Variants in FKTN observed in about 807,000 individuals in gnomAD.
FKTN encodes ribitol-5-phosphate transferase FKTN.
FKTN carries 47 observed loss-of-function variants against 58.6 expected under a neutral mutation model. The observed-to-expected ratio is 0.80, with a 90% confidence interval of 0.63 to 1.02. The LOEUF (loss-of-function observed/expected upper bound fraction) is 1.02. Among genes scored for constraint, FKTN ranks in the 50% least tolerant of loss-of-function variants. FKTN has a pLI of 0.00. For synonymous variants in FKTN, 178 were observed against 191.9 expected (o/e 0.93, Z 0.60); for missense variants, 516 against 537.3 (o/e 0.96, Z 0.39).
rs746763506 is a variant in FKTN at position 105,604,452 on chromosome 9, C to T, written c.607C>T (p.Arg203Ter). The T allele has an allele frequency of 2.4e-5, 38 of 1,613,882 alleles. No individual in the cohort carries two copies. Among genetic ancestry groups the T allele is most frequent in the Admixed American group, 6.7e-5 (4 of 59,996 alleles). The change falls in exon 6 of 11, where the codon CGA becomes TGA. Residue 203 changes from arginine (R) to a stop codon, truncating the protein, a stop_gained. Coordinates refer to ENST00000357998, the MANE Select transcript of FKTN (RefSeq NM_001079802.2). LOFTEE classifies it high-confidence loss of function. Reference protein sequence around the residue: ...EHIDRKFVPFRKLQFGRYPGA... With the variant: ...EHIDRKFVPF ...CATTGACAGGAAATTTGTTCCCTTC[C>T]GAAAGTTACAGTTTGGTCGTTATCC...
intron 3 of FKTN, among the ~76,000 whole-genome samples, chr9:105,588,806 T>G (rs1280812243): frequency 6.6e-6 from 1 of 152,260 alleles, no homozygotes; most frequent in Non-Finnish European, 1.5e-5. Context: ...ATTCTCTCTT[T>G]ACCATACTCT....
intron 10 of FKTN, among the ~76,000 whole-genome samples, chr9:105,630,311 T>G (rs548891061): frequency 2.6e-4 from 40 of 152,208 alleles, no homozygotes; most frequent in Non-Finnish European, 3.8e-4. Flanking sequence ...TCAATAAATG[T>G]GATCATTAGT....
Position 105,639,436 on chromosome 9 carries a change from G to T in FKTN, c.*4172G>T, listed in dbSNP as rs1307798314. 1.7e-6 allele frequency: 1 copy of T among 590,424 alleles called. No individual in the cohort carries two copies. Among genetic ancestry groups the T allele is most frequent in the Non-Finnish European group, 2.1e-6 (1 of 469,364 alleles). The allele number at this position is 590,424 out of a possible 1,614,324, so 36.6% of individuals were successfully genotyped here. On this transcript the variant is annotated 3_prime_UTR_variant, in exon 11 of 11. Coordinates refer to ENST00000357998, the MANE Select transcript of FKTN (RefSeq NM_001079802.2). Reference sequence around the variant, plus strand: ...CTCAATTTCCACATTAGTGAACTGGGGAAATGATACATACTTCTAAGGGTT... The same window carrying T: ...CTCAATTTCCACATTAGTGAACTGGTGAAATGATACATACTTCTAAGGGTT...
chr9:105,607,907 A>G lies in FKTN; in HGVS notation c.736A>G (p.Arg246Gly). 1 of 1,611,980 alleles carries G rather than the reference A, an allele frequency of 6.2e-7. No individual in the cohort carries two copies. The highest frequency in any genetic ancestry group is 8.5e-7 in the Non-Finnish European group (1 of 1,178,138). Reference protein sequence around the residue: ...MHFVEEVPHSRFIECRYKEAR... With the variant: ...MHFVEEVPHSGFIECRYKEAR... Reference sequence around the variant, plus strand: ...CTTTGTAGAAGAAGTACCACACTCTAGGTTTATTGAGTGTAGGTATAAAGA... The same window carrying G: ...CTTTGTAGAAGAAGTACCACACTCTGGGTTTATTGAGTGTAGGTATAAAGA... Residue 246 changes from arginine (R) to glycine (G), a missense_variant, in exon 7 of 11, where the codon AGG becomes GGG. Transcript: ENST00000357998.
In FKTN at chr9:105,596,656, G is replaced by T. The variant is rs1826858068; in HGVS notation, c.164G>T (p.Trp55Leu). The change falls in exon 4 of 11, where the codon TGG becomes TTG. Residue 55 changes from tryptophan to leucine, a missense_variant and splice_region_variant. By Grantham distance (61) the Trp-to-Leu change is moderately conservative. Coordinates refer to ENST00000357998, the MANE Select transcript of FKTN (RefSeq NM_001079802.2). Reference sequence around the variant, plus strand: ...CGAATTGGATTTGATAGCACACAGTGGGTATGTAGAATAAACAAGAAATTT... The same window carrying T: ...CGAATTGGATTTGATAGCACACAGTTGGTATGTAGAATAAACAAGAAATTT... ...GSRIGFDSTQ[W>L]RAVKKFIMLT... 1 of 1,599,476 alleles carries T rather than the reference G, an allele frequency of 6.3e-7. No homozygotes were observed. The highest frequency in any genetic ancestry group is 8.6e-7 in the Non-Finnish European group (1 of 1,166,898).
chr9:105,561,205 T>G (rs1838241890), intron 1 of FKTN, among the ~76,000 whole-genome samples: 1 of 151,714 alleles, frequency 6.6e-6, no homozygotes, highest in African/African-American at 2.4e-5. Context: ...GCCTAGCAGT[T>G]TGAGGCAGCA....
chr9:105,619,767 T>C lies in FKTN; in HGVS notation c.1045-167T>C, dbSNP rs180759073. The C allele has an allele frequency of 3.2e-3, 1,792 of 561,464 alleles. 9 individuals carry two copies. The highest frequency in any genetic ancestry group is 4.9e-3 in the Non-Finnish European group (1,570 of 321,474). 34.8% of individuals were successfully genotyped at this position (561,464 alleles called of 1,614,324 possible). ...AATTAAATGATATGTTACTGATGCA[T>C]CCCAATTTCAGAGGTGCCTTAACTT... On this transcript the variant is annotated intron_variant, in intron 9 of 10. Coordinates refer to ENST00000357998, the MANE Select transcript of FKTN (RefSeq NM_001079802.2).
intron 9 of FKTN, 132 bp from the exon 10 acceptor site, chr9:105,619,802 T>G: frequency 1.3e-6 from 1 of 766,954 alleles, no homozygotes; most frequent in Admixed American, 2.8e-5. Flanking sequence ...TGAAAAAATG[T>G]GCATCTTAGA....
At chr9:105,592,131 C>T (rs1215160997) in intron 3 of FKTN, among the ~76,000 whole-genome samples, 4 of 152,248 alleles carry the variant, frequency 2.6e-5, no homozygotes, top group African/African-American at 9.6e-5. Flanking sequence ...TCCCCATTTT[C>T]TTGGCGAATG....
At chr9:105,564,839 G>A (rs1159950861) in intron 1 of FKTN, among the ~76,000 whole-genome samples, 15 of 152,078 alleles carry the variant, frequency 9.9e-5, no homozygotes, top group African/African-American at 3.6e-4. Context: ...TCCAAAACAC[G>A]TAATTGTCAG....
At chr9:105,560,958 A>C (rs1838183591) in intron 1 of FKTN, among the ~76,000 whole-genome samples, 2 of 152,074 alleles carry the variant, frequency 1.3e-5, no homozygotes, top group South Asian at 4.1e-4. Flanking sequence ...TTGGTGGCAC[A>C]TGCCTGTAGT....
intron 10 of FKTN, among the ~76,000 whole-genome samples, chr9:105,629,978 G>T (rs954100955): frequency 1.3e-5 from 2 of 152,120 alleles, no homozygotes; most frequent in African/African-American, 4.8e-5. Context: ...TCACTTATAG[G>T]TGGGAATTGA....
At chr9:105,592,911 G>A (rs1205329662) in intron 3 of FKTN, among the ~76,000 whole-genome samples, 1 of 152,150 alleles carries the variant, frequency 6.6e-6, no homozygotes, top group Admixed American at 6.5e-5. Flanking sequence ...TCATCTTCCT[G>A]TCTTCTTCTG....
At chr9:105,566,967 C>G (rs1480363429) in intron 1 of FKTN, among the ~76,000 whole-genome samples, 3 of 152,152 alleles carry the variant, frequency 2.0e-5, no homozygotes, top group Admixed American at 6.6e-5. Context: ...GGGCTTCATC[C>G]CCAGGATGCA....
Position 105,618,136 on chromosome 9 carries a change from A to G in FKTN, c.1044+44A>G, listed in dbSNP as rs118064041. On this transcript the variant is annotated intron_variant, in intron 9 of 10. Transcript: ENST00000357998. ...CTTCATTTCATAAGTAACATATCTC[A>G]CTTGTAAAGTTTACATTAAGCAACT... 48,784 of 1,509,854 alleles carry G rather than the reference A, an allele frequency of 0.032. 904 individuals are homozygous for G. Among genetic ancestry groups the G allele is most frequent in the Non-Finnish European group, 0.039 (42,006 of 1,085,948 alleles). 93.5% of individuals were successfully genotyped at this position (1,509,854 alleles called of 1,614,324 possible).
chr9:105,604,552 A>G lies in FKTN; in HGVS notation c.647+60A>G, dbSNP rs1423613521. On this transcript the variant is annotated intron_variant, in intron 6 of 10. Transcript: ENST00000357998. The stretch of plus-strand genomic sequence containing the variant: ...AGTGTTGTTCAGTCATAATTCTTGC[A>G]GTGTTTTTACATTTGAGTATTGAAA... 1.2e-5 allele frequency: 16 copies of G among 1,372,176 alleles called. No individual in the cohort carries two copies. In the East Asian group the frequency reaches 3.6e-4, roughly 31 times the overall value. The allele number at this position is 1,372,176 out of a possible 1,614,324, so 85.0% of individuals were successfully genotyped here.
chr9:105,613,114 G>C (rs1236033383), intron 7 of FKTN, among the ~76,000 whole-genome samples: 1 of 152,180 alleles, frequency 6.6e-6, no homozygotes, highest in Non-Finnish European at 1.5e-5. Flanking sequence ...CATATTTGCT[G>C]TTTAGTCCTT....
rs530747408 is a variant in FKTN, at chr9:105,627,428, T to C, written c.1172+7367T>C. Among the ~76,000 whole-genome samples, 8 of 152,340 alleles carry C rather than the reference T, an allele frequency of 5.3e-5. No individual in the cohort carries two copies. In the East Asian group the frequency reaches 1.5e-3, roughly 29 times the overall value. On this transcript the variant is annotated intron_variant, in intron 10 of 10. Transcript: ENST00000357998. ...TCCTCTTGTACTACCTTCTAGAAAC[T>C]TTATTGTTCTATATGTAATATGAAG...
intron 3 of FKTN, among the ~76,000 whole-genome samples, chr9:105,592,205 C>A (rs1167095445): frequency 2.6e-5 from 4 of 152,204 alleles, no homozygotes; most frequent in Non-Finnish European, 5.9e-5. Flanking sequence ...TATCACATGG[C>A]CAGGCTGCAA....
Sources: gnomAD v4.1 joint callset for allele counts (sites outside exome capture counted in the v4.1 genomes callset) on GRCh38, gnomAD v4.1.1 for gene constraint, MANE v1.5 for transcripts, NCBI Gene and HGNC (gene_info 2026-07-23, HGNC 2026-07-21) for gene names.